The following AP3B2 variants were observed in gnomAD, a reference collection of about 807,000 sequenced individuals.
AP3B2 encodes the protein adaptor related protein complex 3 subunit beta 2, also known as AP-3 complex subunit beta-2.
AP3B2 carries 50 observed loss-of-function variants against 126.9 expected under a neutral mutation model. The observed-to-expected ratio is 0.39, with a 90% confidence interval of 0.31 to 0.50. AP3B2 has a LOEUF of 0.50. Among genes scored for constraint, AP3B2 ranks in the 20% least tolerant of loss-of-function variants. The probability of loss-of-function intolerance (pLI) is 0.79; values close to 1 mark genes in which losing one functional copy is unlikely to be tolerated. For missense variants in AP3B2, 1,177 were observed against 1,426.4 expected (o/e 0.83, Z 2.82); for synonymous variants, 541 against 565.0 (o/e 0.96, Z 0.60).
At position 82,709,708 on chromosome 15, in the gene AP3B2, G is replaced by T. The variant is rs971124040; in HGVS notation, c.-2C>A. 2 of 1,480,148 alleles carry T rather than the reference G, an allele frequency of 1.4e-6. No individual in the cohort carries two copies. Among genetic ancestry groups the T allele is most frequent in the Admixed American group, 2.2e-5 (1 of 45,858 alleles). The allele number at this position is 1,480,148 out of a possible 1,614,324, so 91.7% of individuals were successfully genotyped here. ...GCTGTAGGCGGGGGCGGCCGACATG[G>T]GGCGGCCAGGGAGACTTCGCCGAGG... On this transcript the variant is annotated 5_prime_UTR_variant, in exon 1 of 27. Coordinates refer to ENST00000535359, the MANE Select transcript of AP3B2 (RefSeq NM_001278512.2).
chr15:82,706,048 C>A (rs1035932961), intron 1 of AP3B2, among the ~76,000 whole-genome samples: 9 of 152,178 alleles, frequency 5.9e-5, no homozygotes, highest in African/African-American at 2.2e-4. Context: ...GGGACCACGC[C>A]CTGTAGCCTT....
intron 1 of AP3B2, chr15:82,692,257 T>C (rs2151452729): frequency 2.2e-6 from 2 of 892,882 alleles, no homozygotes; most frequent in Middle Eastern, 2.3e-4. Flanking sequence ...TTAAGCTTGA[T>C]CTTGCGGATC....
rs192558220 is a variant in AP3B2, at chr15:82,691,969, G to C, written c.114-2516C>G. 9.9e-5 allele frequency: 142 copies of C among 1,430,746 alleles called. No individual in the cohort carries two copies. In the East Asian group the frequency reaches 2.9e-3, roughly 29 times the overall value. The allele number at this position is 1,430,746 out of a possible 1,614,324, so 88.6% of individuals were successfully genotyped here. ...TCCCCACACCGTCCTTCTGCACATC[G>C]GCATAACAGACATCCCCAACTTCTC... is the stretch of plus-strand genomic sequence containing the variant. On this transcript the variant is annotated intron_variant, in intron 1 of 26. Coordinates refer to ENST00000535359, the MANE Select transcript of AP3B2 (RefSeq NM_001278512.2).
chr15:82,700,818 C>G (rs144886011), intron 1 of AP3B2, among the ~76,000 whole-genome samples: 1 of 152,216 alleles, frequency 6.6e-6, no homozygotes, highest in South Asian at 2.1e-4. Flanking sequence ...GATGAAATCC[C>G]CTGCAGCCCC....
Position 82,667,862 on chromosome 15 carries a change from T to A in AP3B2, c.1666-929A>T, listed in dbSNP as rs1226784078. ...GGAGCTGCACCCCATCTGCTTCCCTTCACTGCCTACCTGCTGACATAAGGA... is the reference window on the plus strand; with the variant it reads ...GGAGCTGCACCCCATCTGCTTCCCTACACTGCCTACCTGCTGACATAAGGA... On this transcript the variant is annotated intron_variant, in intron 14 of 26. Coordinates refer to ENST00000535359, the MANE Select transcript of AP3B2 (RefSeq NM_001278512.2). Among the ~76,000 whole-genome samples, 3 of 152,162 alleles carry A rather than the reference T, an allele frequency of 2.0e-5. No individual in the cohort carries two copies. In the East Asian group the frequency reaches 5.8e-4, roughly 29 times the overall value.
intron 4 of AP3B2, among the ~76,000 whole-genome samples, chr15:82,683,225 A>AT (rs35447296): frequency 0.58 from 86,645 of 150,426 alleles, 25,115 homozygotes; most frequent in Non-Finnish European, 0.62. Flanking sequence ...TGCCTGGCTA[A>AT]TTTTTCTGTT....
intron 10 of AP3B2, 58 bp from the exon 11 acceptor site, chr15:82,678,225 C>T: frequency 6.6e-7 from 1 of 1,508,612 alleles, no homozygotes; most frequent in Non-Finnish European, 9.2e-7. Context: ...ACTTTCTGTG[C>T]TTTCATTCCA....
intron 1 of AP3B2, among the ~76,000 whole-genome samples, chr15:82,693,937 T>C (rs943088795): frequency 2.0e-5 from 3 of 151,786 alleles, no homozygotes; most frequent in African/African-American, 4.8e-5. Flanking sequence ...CCGACCTCAG[T>C]TGATCCGCCC....
At chr15:82,677,953 C>T in intron 11 of AP3B2, 150 bp from the exon 12 acceptor site, 3 of 1,345,410 alleles carry the variant, frequency 2.2e-6, no homozygotes, top group Non-Finnish European at 3.0e-6. Context: ...TCCAGTGATT[C>T]CTTGGCCCAA....
chr15:82,690,688 C>T (rs1377482685), intron 1 of AP3B2, among the ~76,000 whole-genome samples: 3 of 104,836 alleles, frequency 2.9e-5, no homozygotes, highest in Non-Finnish European at 3.6e-5. Context: ...GAGTCTCGCT[C>T]TGTCGCCCAG....
intron 10 of AP3B2, 35 bp from the exon 11 acceptor site, chr15:82,678,202 G>A: frequency 1.2e-6 from 2 of 1,605,490 alleles, no homozygotes; most frequent in Non-Finnish European, 1.7e-6. Context: ...AAAATGGGTG[G>A]GTTGGCCAGT....
At chr15:82,670,196 G>A (rs1169903498) in intron 14 of AP3B2, among the ~76,000 whole-genome samples, 13 of 128,352 alleles carry the variant, frequency 1.0e-4, no homozygotes, top group African/African-American at 2.1e-4. Flanking sequence ...TGCAACCTCC[G>A]CCTCCCGGGT....
In AP3B2 at chr15:82,662,576, T is replaced by C. The variant is rs191710644; in HGVS notation, c.2833+118A>G. 2.4e-4 allele frequency: 222 copies of C among 935,402 alleles called. 1 individual carries two copies. The East Asian group carries it at 5.6e-3, about 24-fold the overall frequency. 57.9% of individuals were successfully genotyped at this position (935,402 alleles called of 1,614,324 possible). A position where few individuals can be genotyped will look rare whatever the true frequency, so the allele number is the denominator to read the frequency against. On this transcript the variant is annotated intron_variant, in intron 23 of 26. Coordinates refer to ENST00000535359, the MANE Select transcript of AP3B2 (RefSeq NM_001278512.2). ...CCAGAGTGTTGATCATGTTAGATGC[T>C]ATCTCTGTGCCCCTATAGCTTGGCC...
intron 14 of AP3B2, among the ~76,000 whole-genome samples, chr15:82,672,239 T>G (rs1318041197): frequency 6.6e-6 from 1 of 151,806 alleles, no homozygotes; most frequent in Admixed American, 6.6e-5. Context: ...ATAAAGAAAA[T>G]ACGGTACATA....
chr15:82,669,084 C>T (rs1333044745), intron 14 of AP3B2, among the ~76,000 whole-genome samples: 1 of 152,204 alleles, frequency 6.6e-6, no homozygotes, highest in African/African-American at 2.4e-5. Flanking sequence ...GGTGTTCATG[C>T]CTTTGTGCAA....
intron 1 of AP3B2, among the ~76,000 whole-genome samples, chr15:82,705,967 C>T (rs1414724084): frequency 6.6e-6 from 1 of 152,206 alleles, no homozygotes; most frequent in Non-Finnish European, 1.5e-5. Context: ...CTCCCTAATT[C>T]ATCCCAACCC....
At position 82,665,376 on chromosome 15, in the gene AP3B2, AACACACACAC is replaced by A. The variant is rs60428596; in HGVS notation, c.1971+71_1972-74del. The A allele has an allele frequency of 8.6e-3, 10,783 of 1,252,620 alleles. 49 individuals are homozygous for A. The highest frequency in any genetic ancestry group is 0.023 in the South Asian group (1,775 of 75,990). The allele number at this position is 1,252,620 out of a possible 1,614,324, so 77.6% of individuals were successfully genotyped here. ...GGGCTCCCTACTGTCTGCCCCCACC[AACACACACAC>A]ACACACACACACACACACACACACA... On this transcript the variant is annotated intron_variant, in intron 16 of 26. Coordinates refer to ENST00000535359, the MANE Select transcript of AP3B2 (RefSeq NM_001278512.2). The surrounding 1 kb of genome is among the most constrained non-coding windows in gnomAD (Gnocchi z 4.4).
chr15:82,696,902 G>A (rs758550560), intron 1 of AP3B2, among the ~76,000 whole-genome samples: 19 of 152,178 alleles, frequency 1.2e-4, no homozygotes, highest in Non-Finnish European at 2.4e-4. Context: ...CTCATATGTT[G>A]CCAAGACAAT....
intron 1 of AP3B2, chr15:82,692,375 C>T: frequency 2.0e-6 from 1 of 512,642 alleles, no homozygotes; most frequent in South Asian, 2.6e-5. Flanking sequence ...CTCCCAACGC[C>T]CCCTCCCCGC....
Sources: allele counts gnomAD v4.1 joint callset (sites outside exome capture counted in the v4.1 genomes callset), GRCh38; gene constraint gnomAD v4.1.1; non-coding constraint Gnocchi (gnomAD v3.1); transcripts MANE v1.5; gene names NCBI Gene and HGNC (gene_info 2026-07-23, HGNC 2026-07-21).